The following RAB3GAP1 variants were observed in gnomAD, a reference collection of about 807,000 sequenced individuals.
RAB3GAP1 encodes rab3 GTPase-activating protein catalytic subunit.
A neutral mutation model predicts 130.7 loss-of-function variants in RAB3GAP1; 86 were observed. That is an observed-to-expected ratio of 0.66 (90% CI 0.55 to 0.79). The LOEUF (loss-of-function observed/expected upper bound fraction) is 0.79, where lower values mean the gene tolerates loss of function less well. Ranked by LOEUF, RAB3GAP1 falls within the 30% of genes least tolerant of loss-of-function variation. The probability of loss-of-function intolerance (pLI) is 0.00; values close to 1 mark genes in which losing one functional copy is unlikely to be tolerated. For missense variants in RAB3GAP1, 1,029 were observed against 1,169.4 expected (o/e 0.88, Z 1.75); for synonymous variants, 367 against 401.7 (o/e 0.91, Z 1.03).
chr2:135,104,578 C>A (rs1000785334), intron 5 of RAB3GAP1, among the ~76,000 whole-genome samples: 1 of 152,038 alleles, frequency 6.6e-6, no homozygotes, highest in Non-Finnish European at 1.5e-5. Flanking sequence ...GGCGGCCAGG[C>A]GTGGTGGCTC....
intron 2 of RAB3GAP1, among the ~76,000 whole-genome samples, chr2:135,057,120 G>C (rs1347299028): frequency 3.3e-5 from 5 of 152,142 alleles, no homozygotes. Flanking sequence ...TCAAAATTCA[G>C]TTCTCTTTTT....
At position 135,113,281 on chromosome 2, in the gene RAB3GAP1, A is replaced by AT; in HGVS notation, c.482+17dup. On this transcript the variant is annotated intron_variant, in intron 6 of 23. Coordinates refer to ENST00000264158, the MANE Select transcript of RAB3GAP1 (RefSeq NM_012233.3). Reference sequence around the variant, plus strand: ...GGGAAACACTGGCTGGTGAGTGGACATTTTTTAAAACCTAGACAAAAAAAC... The same window carrying AT: ...GGGAAACACTGGCTGGTGAGTGGACATTTTTTTAAAACCTAGACAAAAAAAC... 6.2e-7 allele frequency: 1 copy of AT among 1,614,070 alleles called. No individual in the cohort carries two copies. Among genetic ancestry groups the AT allele is most frequent in the African/African-American group, 1.3e-5 (1 of 75,040 alleles).
At chr2:135,142,994 T>C (rs1691889059) in intron 17 of RAB3GAP1, among the ~76,000 whole-genome samples, 1 of 151,980 alleles carries the variant, frequency 6.6e-6, no homozygotes, top group African/African-American at 2.4e-5. Context: ...CTGGACAAAT[T>C]TGTATAAATA....
In RAB3GAP1 at chr2:135,130,672, G is replaced by T; in HGVS notation, c.1187G>T (p.Gly396Val). The change falls in exon 13 of 24, where the codon GGT (glycine) becomes GTT (valine). Residue 396 changes from glycine (G) to valine (V), a missense_variant. Gly to Val is a moderately radical substitution (Grantham distance 109). Around this residue, in one of 3 missense-constraint regions of RAB3GAP1, gnomAD observed 510 missense variants for 532.1 expected, o/e 0.96. Coordinates refer to ENST00000264158, the MANE Select transcript of RAB3GAP1 (RefSeq NM_012233.3). ...AAGAAGAAAATCCGAAAACACAGAG[G>T]TGTAGAGGAGTCACCGCTAAATAAT... ...TAKKKIRKHR[G>V]VEESPLNNDV... is the part of the protein sequence containing the mutation. The T allele has an allele frequency of 2.5e-6, 4 of 1,613,782 alleles. No individual in the cohort carries two copies. Among genetic ancestry groups the T allele is most frequent in the Non-Finnish European group, 2.5e-6 (3 of 1,179,764 alleles).
intron 3 of RAB3GAP1, among the ~76,000 whole-genome samples, chr2:135,078,140 CCT>C (rs368044294): frequency 5.9e-5 from 9 of 152,096 alleles, no homozygotes; most frequent in East Asian, 1.9e-4. Flanking sequence ...AAGGATTTCC[CCT>C]GTTTACTTCT....
At chr2:135,056,414 C>A (rs190519870) in intron 2 of RAB3GAP1, among the ~76,000 whole-genome samples, 5 of 151,970 alleles carry the variant, frequency 3.3e-5, no homozygotes, top group African/African-American at 7.3e-5. Flanking sequence ...CCATCTTGGA[C>A]AAACTGGTCT....
intron 6 of RAB3GAP1, among the ~76,000 whole-genome samples, chr2:135,114,196 A>G (rs1396511605): frequency 1.3e-5 from 2 of 152,204 alleles, no homozygotes; most frequent in Non-Finnish European, 2.9e-5. Flanking sequence ...TCCTGAAACA[A>G]TTCAATGTAT....
chr2:135,090,976 G>A lies in RAB3GAP1; in HGVS notation c.151-22G>A, dbSNP rs201770771. 1.9e-6 allele frequency: 3 copies of A among 1,595,108 alleles called. No individual in the cohort carries two copies. The African/African-American group carries it at 4.0e-5, about 21-fold the overall frequency. ...AGCTATTGATTAAGGTAAATATTTT[G>A]CCATTTTATTGGTACATATAGGGTA... is the stretch of plus-strand genomic sequence containing the variant. On this transcript the variant is annotated intron_variant, in intron 3 of 23. Coordinates refer to ENST00000264158, the MANE Select transcript of RAB3GAP1 (RefSeq NM_012233.3).
Position 135,160,463 on chromosome 2 carries a change from G to A in RAB3GAP1, c.2290-2092G>A, listed in dbSNP as rs575325434. Among the ~76,000 whole-genome samples, 7 of 152,136 alleles carry A rather than the reference G, an allele frequency of 4.6e-5. No homozygotes were observed. In the South Asian group the frequency reaches 1.5e-3, roughly 32 times the overall value. ...GAGGTAGGTGGATAATTTGAGGTCA[G>A]GAGTTCGAGACCAGCCTGGCCAACA... On this transcript the variant is annotated intron_variant, in intron 19 of 23. Coordinates refer to ENST00000264158, the MANE Select transcript of RAB3GAP1 (RefSeq NM_012233.3).
chr2:135,079,925 C>T (rs969702091), intron 3 of RAB3GAP1, among the ~76,000 whole-genome samples: 1 of 151,842 alleles, frequency 6.6e-6, no homozygotes, highest in African/African-American at 2.4e-5. Flanking sequence ...GTCAGGAGAT[C>T]GAGACCACGG....
rs1269107739 is a variant in RAB3GAP1, at chr2:135,169,791, T to G, written c.*1010T>G. 27 of 455,864 alleles carry G rather than the reference T, an allele frequency of 5.9e-5. No homozygotes were observed. In the Admixed American group the frequency reaches 6.3e-4, roughly 11 times the overall value. 28.2% of individuals were successfully genotyped at this position (455,864 alleles called of 1,614,324 possible). On this transcript the variant is annotated 3_prime_UTR_variant, in exon 24 of 24. Transcript: ENST00000264158. Reference sequence around the variant, plus strand: ...CGTGTGAGGATGACATCACCACATTTCTAGTTTCATGGAGCTCAAGATGTC... The same window carrying G: ...CGTGTGAGGATGACATCACCACATTGCTAGTTTCATGGAGCTCAAGATGTC...
intron 19 of RAB3GAP1, among the ~76,000 whole-genome samples, chr2:135,157,874 T>G (rs1185322609): frequency 6.6e-6 from 1 of 151,808 alleles, no homozygotes; most frequent in East Asian, 1.9e-4. Context: ...AACCCTATTA[T>G]TATCTAAGCT....
At chr2:135,143,549 CATGCTACTTTTT>C (rs1691906170) in intron 17 of RAB3GAP1, among the ~76,000 whole-genome samples, 3 of 149,840 alleles carry the variant, frequency 2.0e-5, no homozygotes, top group Admixed American at 2.0e-4. Flanking sequence ...TCTTCTGTAA[CATGCTACTTTTT>C]TTTTTTTTTT....
At chr2:135,159,018 G>A (rs924887282) in intron 19 of RAB3GAP1, among the ~76,000 whole-genome samples, 1 of 152,182 alleles carries the variant, frequency 6.6e-6, no homozygotes, top group Non-Finnish European at 1.5e-5. Context: ...AACTGAAAGA[G>A]TTCCCAACTG....
rs745850565 is a variant in RAB3GAP1, at chr2:135,168,716, A to G, written c.2881A>G (p.Ser961Gly). ...YSKALPQRMY[S>G]VLTKEDFRLA... ...CAAAGCTCTGCCTCAGCGGATGTAC[A>G]GTGTTCTCACCAAAGAGGACTTTAG... The change falls in exon 24 of 24, where the codon AGT becomes GGT. Residue 961 changes from serine to glycine, a missense_variant. By Grantham distance (56) the Ser-to-Gly change is moderately conservative. Coordinates refer to ENST00000264158, the MANE Select transcript of RAB3GAP1 (RefSeq NM_012233.3). 2.5e-6 allele frequency: 4 copies of G among 1,614,178 alleles called. No homozygotes were observed. Among genetic ancestry groups the G allele is most frequent in the East Asian group, 4.5e-5 (2 of 44,876 alleles).
chr2:135,117,603 T>TCTG (rs1305806002), intron 7 of RAB3GAP1, among the ~76,000 whole-genome samples: 2 of 139,222 alleles, frequency 1.4e-5, no homozygotes. Context: ...TGCTGCTTCT[T>TCTG]CTGCTTCTTC....
chr2:135,135,107 T>C (rs1351139517), intron 15 of RAB3GAP1, among the ~76,000 whole-genome samples, 158 bp from the exon 16 acceptor site: 1 of 152,214 alleles, frequency 6.6e-6, no homozygotes, highest in African/African-American at 2.4e-5. Context: ...CTTTTAATTC[T>C]ATGTGCTCCC....
At chr2:135,156,012 A>G (rs538714854) in intron 19 of RAB3GAP1, among the ~76,000 whole-genome samples, 7 of 152,150 alleles carry the variant, frequency 4.6e-5, no homozygotes, top group African/African-American at 9.6e-5. Flanking sequence ...ATTAGTAACT[A>G]CTGATACAGA....
intron 3 of RAB3GAP1, among the ~76,000 whole-genome samples, chr2:135,086,149 A>AT (rs1431323044): frequency 6.6e-6 from 1 of 152,144 alleles, no homozygotes; most frequent in Non-Finnish European, 1.5e-5. Context: ...GGGCATTTAA[A>AT]TTGTCTCCAT....
Sources: allele counts gnomAD v4.1 joint callset (sites outside exome capture counted in the v4.1 genomes callset), GRCh38; gene constraint gnomAD v4.1.1; regional missense constraint gnomAD v4.1.1; transcripts MANE v1.5; gene names NCBI Gene and HGNC (gene_info 2026-07-23, HGNC 2026-07-21).